Variants in PPP1R2 observed in about 807,000 individuals in gnomAD.
PPP1R2 encodes the protein protein phosphatase 1 regulatory inhibitor subunit 2.
In PPP1R2, 16 loss-of-function variants were observed where a neutral mutation model predicts 29.9. The observed-to-expected ratio is 0.53, with a 90% CI of 0.36 to 0.81. The LOEUF (loss-of-function observed/expected upper bound fraction) is 0.81, where lower values mean the gene tolerates loss of function less well. Ranked by LOEUF, PPP1R2 falls within the 30% of genes least tolerant of loss-of-function variation. The pLI is 0.00. For missense variants in PPP1R2, 197 were observed against 252.7 expected, an observed-to-expected ratio of 0.78 and a Z score of 1.49; for synonymous variants, 76 against 91.5, an observed-to-expected ratio of 0.83 and a Z score of 0.96.
intron 1 of PPP1R2, among the ~76,000 whole-genome samples, chr3:195,537,521 T>TGTGTGTGTGTGTGTGTGTGTGTGTGTGTG (rs1719442059): frequency 3.0e-5 from 1 of 33,044 alleles, no homozygotes; most frequent in Non-Finnish European, 6.4e-5. Context: ...GTGTGTGTGT[T>TGTGTGTGTGTGTGTGTGTGTGTGTGTGTG]TCCATTTCAG....
intron 1 of PPP1R2, 112 bp downstream of exon 1, chr3:195,542,791 GA>G: frequency 7.6e-7 from 1 of 1,308,328 alleles, no homozygotes; most frequent in South Asian, 1.6e-5. Flanking sequence ...CAGGAGAAGA[GA>G]CTCGAGCGGC....
intron 2 of PPP1R2, among the ~76,000 whole-genome samples, chr3:195,527,135 G>A (rs897423469): frequency 6.6e-6 from 1 of 151,930 alleles, no homozygotes; most frequent in Non-Finnish European, 1.5e-5. Context: ...TGTTGCCCAG[G>A]TTGGTCTTGA....
At chr3:195,530,001 T>C (rs185233471) in intron 1 of PPP1R2, 100 bp from the exon 2 acceptor site, 4 of 804,528 alleles carry the variant, frequency 5.0e-6, no homozygotes, top group Non-Finnish European at 8.0e-6. Flanking sequence ...AACTTCTATT[T>C]GATGGCCAAC....
In PPP1R2 at chr3:195,514,860, T is replaced by G. The variant is rs1718486359; in HGVS notation, c.*2036A>C. 1 of 164,064 alleles carries G rather than the reference T, an allele frequency of 6.1e-6. No homozygotes were observed. The highest frequency in any genetic ancestry group is 2.4e-5 in the African/African-American group (1 of 41,774). The allele number at this position is 164,064 out of a possible 1,614,324, so 10.2% of individuals were successfully genotyped here. A position where few individuals can be genotyped will look rare whatever the true frequency, so the allele number is the denominator to read the frequency against. On this transcript the variant is annotated 3_prime_UTR_variant, in exon 6 of 6. Transcript: ENST00000618156. Reference sequence around the variant, plus strand: ...ACCCCACTGAGCATGCTGCTTGGCATGCCTTACTCCTCTGAAATCATCATC... The same window carrying G: ...ACCCCACTGAGCATGCTGCTTGGCAGGCCTTACTCCTCTGAAATCATCATC...
chr3:195,537,082 T>C (rs1282115072), intron 1 of PPP1R2, among the ~76,000 whole-genome samples: 1 of 151,960 alleles, frequency 6.6e-6, no homozygotes, highest in Non-Finnish European at 1.5e-5. Context: ...GTATAATACA[T>C]ATAAATATGT....
intron 4 of PPP1R2, among the ~76,000 whole-genome samples, chr3:195,521,646 T>G (rs1718766997): frequency 6.6e-6 from 1 of 152,032 alleles, no homozygotes; most frequent in Non-Finnish European, 1.5e-5. Flanking sequence ...TCATGATTAT[T>G]TATGTACTTA....
In PPP1R2 at chr3:195,516,051, G is replaced by T. The variant is rs548231031; in HGVS notation, c.*845C>A. ...ATGATCCTTTAAAAGGTAGAAGATTGTGTGCGTATGTGTGGAAAGGAGTAG... is the reference window on the plus strand; with the variant it reads ...ATGATCCTTTAAAAGGTAGAAGATTTTGTGCGTATGTGTGGAAAGGAGTAG... On this transcript the variant is annotated 3_prime_UTR_variant, in exon 6 of 6. Coordinates refer to ENST00000618156, the MANE Select transcript of PPP1R2 (RefSeq NM_006241.8). The T allele has an allele frequency of 6.6e-6, 1 of 152,334 alleles. No individual in the cohort carries two copies. The highest frequency in any genetic ancestry group is 1.9e-4 in the East Asian group (1 of 5,194). The allele number at this position is 152,334 out of a possible 1,614,324, so 9.4% of individuals were successfully genotyped here.
intron 1 of PPP1R2, among the ~76,000 whole-genome samples, chr3:195,532,647 T>C (rs909126871): frequency 2.0e-5 from 3 of 152,204 alleles, no homozygotes; most frequent in African/African-American, 2.4e-5. Context: ...ACTCTATTTA[T>C]AGTTGACCCT....
chr3:195,532,921 C>T (rs545539972), intron 1 of PPP1R2, among the ~76,000 whole-genome samples: 1 of 152,340 alleles, frequency 6.6e-6, no homozygotes, highest in Non-Finnish European at 1.5e-5. Flanking sequence ...AAAACATGCA[C>T]ATACAACACA....
At chr3:195,542,218 CT>C (rs1448623586) in intron 1 of PPP1R2, among the ~76,000 whole-genome samples, 1 of 152,158 alleles carries the variant, frequency 6.6e-6, no homozygotes, top group Non-Finnish European at 1.5e-5. Context: ...TTCACCAGCT[CT>C]TACTAATGGA....
At chr3:195,522,384 A>C (rs1180829151) in intron 4 of PPP1R2, among the ~76,000 whole-genome samples, 1 of 152,238 alleles carries the variant, frequency 6.6e-6, no homozygotes, top group Admixed American at 6.5e-5. Context: ...ATAATTCAGT[A>C]ATAACCCCAC....
chr3:195,536,102 G>A (rs1719371277), intron 1 of PPP1R2, among the ~76,000 whole-genome samples: 1 of 152,070 alleles, frequency 6.6e-6, no homozygotes, highest in Non-Finnish European at 1.5e-5. Flanking sequence ...TACAAAACAT[G>A]TAGTTAATCA....
rs1468909509 is a variant in PPP1R2 at position 195,517,440 on chromosome 3, A to G, written c.572-498T>C. ...AGGGCCCAAAAAGGGTAGGGGGTAAATAAGGTACTTATTTCCCTAAGTCTT... is the reference window on the plus strand; with the variant it reads ...AGGGCCCAAAAAGGGTAGGGGGTAAGTAAGGTACTTATTTCCCTAAGTCTT... On this transcript the variant is annotated intron_variant, in intron 5 of 5. Transcript: ENST00000618156. Among the ~76,000 whole-genome samples, 5 of 152,280 alleles carry G rather than the reference A, an allele frequency of 3.3e-5. No individual in the cohort carries two copies. In the East Asian group the frequency reaches 9.6e-4, roughly 29 times the overall value.
Position 195,519,306 on chromosome 3 carries a change from C to G in PPP1R2, c.404-121G>C, listed in dbSNP as rs1718668421. 7.9e-6 allele frequency: 6 copies of G among 759,456 alleles called. No individual in the cohort carries two copies. The East Asian group carries it at 1.7e-4, about 21-fold the overall frequency. 47.0% of individuals were successfully genotyped at this position (759,456 alleles called of 1,614,324 possible). ...TTTGTTTTTGTCATGCTTAAGGCTGCTTTTGTGTTCAATGGCAGAGTTGAG... is the reference window on the plus strand; with the variant it reads ...TTTGTTTTTGTCATGCTTAAGGCTGGTTTTGTGTTCAATGGCAGAGTTGAG... On this transcript the variant is annotated intron_variant, in intron 4 of 5. Coordinates refer to ENST00000618156, the MANE Select transcript of PPP1R2 (RefSeq NM_006241.8).
intron 1 of PPP1R2, among the ~76,000 whole-genome samples, chr3:195,539,645 G>A (rs1577585901): frequency 6.6e-6 from 1 of 152,116 alleles, no homozygotes; most frequent in Admixed American, 6.6e-5. Flanking sequence ...TCGTGCCACC[G>A]TACTCCAGCC....
intron 5 of PPP1R2, among the ~76,000 whole-genome samples, chr3:195,518,148 G>GT (rs1450677357): frequency 6.6e-6 from 1 of 151,956 alleles, no homozygotes; most frequent in East Asian, 1.9e-4. Context: ...AAATACCAGA[G>GT]TAACAGTTCA....
chr3:195,537,822 G>T (rs1445224745), intron 1 of PPP1R2, among the ~76,000 whole-genome samples: 2 of 151,894 alleles, frequency 1.3e-5, no homozygotes, highest in Admixed American at 6.6e-5. Context: ...TCCAAAAAAA[G>T]ACAACAATAG....
Position 195,514,810 on chromosome 3 carries a change from T to C in PPP1R2, c.*2086A>G, listed in dbSNP as rs1177624458. On this transcript the variant is annotated 3_prime_UTR_variant, in exon 6 of 6. Coordinates refer to ENST00000618156, the MANE Select transcript of PPP1R2 (RefSeq NM_006241.8). ...CTACTTATGACTTGAACATACCTTT[T>C]CTCAGCTGCATGTGACAGCCTAAAA... 1 of 157,822 alleles carries C rather than the reference T, an allele frequency of 6.3e-6. No homozygotes were observed. Among genetic ancestry groups the C allele is most frequent in the African/African-American group, 2.4e-5 (1 of 41,630 alleles). 9.8% of individuals were successfully genotyped at this position (157,822 alleles called of 1,614,324 possible). A position where few individuals can be genotyped will look rare whatever the true frequency, so the allele number is the denominator to read the frequency against.
intron 3 of PPP1R2, 139 bp downstream of exon 3, chr3:195,524,680 G>GA (rs1453538266): frequency 8.8e-5 from 64 of 729,820 alleles, no homozygotes; most frequent in South Asian, 1.2e-4. Flanking sequence ...GGGAAAAAAG[G>GA]AAAAAAAAGT....
Sources: gnomAD v4.1 joint callset for allele counts (sites outside exome capture counted in the v4.1 genomes callset) on GRCh38, gnomAD v4.1.1 for gene constraint, MANE v1.5 for transcripts, NCBI Gene and HGNC (gene_info 2026-07-23, HGNC 2026-07-21) for gene names.